Variants in CTNNA3 observed in about 807,000 individuals in gnomAD.
CTNNA3 encodes catenin alpha-3.
Under a neutral mutation model 95.7 loss-of-function variants are expected in CTNNA3, and 76 were observed. The observed-to-expected ratio is 0.79, with a 90% CI of 0.66 to 0.96. The LOEUF (loss-of-function observed/expected upper bound fraction) is 0.96. CTNNA3 is among the 40% of genes least tolerant of loss of function. The pLI is 0.00. For synonymous variants in CTNNA3, 431 were observed against 374.4 expected, an observed-to-expected ratio of 1.15 and a Z score of -1.74; for missense variants, 1,191 against 1,089.8, an observed-to-expected ratio of 1.09 and a Z score of -1.31.
intron 7 of CTNNA3, among the ~76,000 whole-genome samples, chr10:67,041,437 T>C (rs1028735864): frequency 1.3e-5 from 2 of 152,138 alleles, no homozygotes; most frequent in Non-Finnish European, 2.9e-5. Context: ...GTTGCAAATA[T>C]CACCAGAAAA....
At chr10:66,689,136 T>C (rs1428209496) in intron 9 of CTNNA3, among the ~76,000 whole-genome samples, 1 of 151,554 alleles carries the variant, frequency 6.6e-6, no homozygotes, top group Non-Finnish European at 1.5e-5. Flanking sequence ...ATGAATCCAT[T>C]AATCATCCAA....
chr10:67,529,811 G>A (rs1344447468), intron 4 of CTNNA3, among the ~76,000 whole-genome samples: 1 of 151,914 alleles, frequency 6.6e-6, no homozygotes, highest in Non-Finnish European at 1.5e-5. Flanking sequence ...TCTTGATGTG[G>A]TTTGGCTGTG....
intron 5 of CTNNA3, among the ~76,000 whole-genome samples, chr10:67,361,470 A>T (rs189977674): frequency 7.2e-4 from 109 of 152,280 alleles, no homozygotes; most frequent in Admixed American, 5.0e-3. Context: ...CCAATTAAAC[A>T]TCCCAAAACC....
intron 13 of CTNNA3, among the ~76,000 whole-genome samples, chr10:66,234,852 A>G (rs2089774292): frequency 6.6e-6 from 1 of 152,172 alleles, no homozygotes; most frequent in Non-Finnish European, 1.5e-5. Flanking sequence ...TACCTTCCAA[A>G]AGACTGTGAC....
chr10:66,103,241 C>T lies in CTNNA3; in HGVS notation c.1893G>A (p.Glu631=). 6.2e-7 allele frequency: 1 copy of T among 1,613,442 alleles called. No individual in the cohort carries two copies. Among genetic ancestry groups the T allele is most frequent in the Non-Finnish European group, 8.5e-7 (1 of 1,179,374 alleles). Residue 631 remains glutamate, a synonymous_variant, in exon 14 of 18, where the codon GAG becomes GAA. Coordinates refer to ENST00000433211, the MANE Select transcript of CTNNA3 (RefSeq NM_013266.4). ...CAAGGTCAGAAACATCCTCCAGTTC[C>T]TCTGGGGTCTATAAAAAGAAAGCAA... ...RCSVMMIRTP[E]ELEDVSDLEE...
chr10:65,997,185 C>A (rs891572409), intron 15 of CTNNA3, among the ~76,000 whole-genome samples: 4 of 152,102 alleles, frequency 2.6e-5, no homozygotes, highest in Non-Finnish European at 5.9e-5. Context: ...GGAGTTACCC[C>A]AAGACTTACC....
intron 7 of CTNNA3, among the ~76,000 whole-genome samples, chr10:66,989,413 G>A (rs540265008): frequency 1.3e-5 from 2 of 152,150 alleles, no homozygotes; most frequent in South Asian, 4.2e-4. Context: ...TATATTTGTA[G>A]GTATAACAGA....
At chr10:66,184,142 T>C (rs570137890) in intron 13 of CTNNA3, among the ~76,000 whole-genome samples, 1 of 151,682 alleles carries the variant, frequency 6.6e-6, no homozygotes, top group Admixed American at 6.6e-5. Flanking sequence ...TATTAAAAAA[T>C]ACAAAAATTA....
intron 7 of CTNNA3, among the ~76,000 whole-genome samples, chr10:66,828,646 G>C (rs1281438178): frequency 6.6e-6 from 1 of 152,148 alleles, no homozygotes; most frequent in African/African-American, 2.4e-5. Flanking sequence ...AGCAAATAAA[G>C]ATACACTTAT....
chr10:66,789,192 TG>T (rs1840869452), intron 7 of CTNNA3, among the ~76,000 whole-genome samples: 2 of 152,326 alleles, frequency 1.3e-5, no homozygotes, highest in African/African-American at 2.4e-5. Flanking sequence ...GTTTTGTTGT[TG>T]TTTTTTAAGT....
chr10:67,041,974 T>C (rs138255370), intron 7 of CTNNA3, among the ~76,000 whole-genome samples: 2 of 152,158 alleles, frequency 1.3e-5, no homozygotes, highest in East Asian at 3.9e-4. Flanking sequence ...ATTGGGCATA[T>C]ATAGTAGTTT....
chr10:66,037,483 G>GA (rs1019409820), intron 15 of CTNNA3, among the ~76,000 whole-genome samples: 3 of 151,974 alleles, frequency 2.0e-5, no homozygotes, highest in Non-Finnish European at 4.4e-5. Context: ...TTTTTCTACT[G>GA]AAAAAATAAA....
chr10:66,204,838 G>A (rs1240703031), intron 13 of CTNNA3, among the ~76,000 whole-genome samples: 2 of 152,134 alleles, frequency 1.3e-5, no homozygotes, highest in Non-Finnish European at 2.9e-5. Flanking sequence ...CAGGGCACCT[G>A]GTGGAAGCCC....
chr10:66,614,128 A>C (rs1844426474), intron 10 of CTNNA3, among the ~76,000 whole-genome samples: 1 of 152,120 alleles, frequency 6.6e-6, no homozygotes, highest in Non-Finnish European at 1.5e-5. Context: ...TGTTTTTACA[A>C]AATAGTCCTG....
At chr10:66,653,493 A>G (rs1845978536) in intron 9 of CTNNA3, among the ~76,000 whole-genome samples, 1 of 152,100 alleles carries the variant, frequency 6.6e-6, no homozygotes, top group Non-Finnish European at 1.5e-5. Context: ...TTCAATGATT[A>G]AAAGAGTTTA....
At chr10:65,960,585 T>A (rs1477159690) in intron 17 of CTNNA3, among the ~76,000 whole-genome samples, 1 of 152,282 alleles carries the variant, frequency 6.6e-6, no homozygotes, top group South Asian at 2.1e-4. Flanking sequence ...GTATATAGCA[T>A]GATGCTGAGG....
chr10:66,581,053 C>T (rs1843169462), intron 10 of CTNNA3, among the ~76,000 whole-genome samples: 1 of 151,708 alleles, frequency 6.6e-6, no homozygotes, highest in Admixed American at 6.6e-5. Context: ...CTAGTTCCAA[C>T]CAAGTTGCCA....
intron 17 of CTNNA3, among the ~76,000 whole-genome samples, chr10:65,951,190 A>T (rs1291453633): frequency 6.6e-6 from 1 of 152,218 alleles, no homozygotes; most frequent in Non-Finnish European, 1.5e-5. Flanking sequence ...AAATGAAACA[A>T]AACTGCCTTC....
intron 3 of CTNNA3, among the ~76,000 whole-genome samples, chr10:67,555,227 G>T (rs989181203): frequency 6.6e-6 from 1 of 152,100 alleles, no homozygotes; most frequent in Non-Finnish European, 1.5e-5. Context: ...GGATTGTCTT[G>T]GCAATGCGGG....
Sources: gnomAD v4.1 joint callset for allele counts (sites outside exome capture counted in the v4.1 genomes callset) on GRCh38, gnomAD v4.1.1 for gene constraint, MANE v1.5 for transcripts, NCBI Gene and HGNC (gene_info 2026-07-23, HGNC 2026-07-21) for gene names.